SCAPER: variants seen among roughly 807,000 people sequenced by gnomAD.
SCAPER encodes the protein S phase cyclin A-associated protein in the endoplasmic reticulum.
SCAPER carries 98 observed loss-of-function variants against 182.2 expected under a neutral mutation model. That is an observed-to-expected ratio of 0.54 (90% CI 0.46 to 0.64). The LOEUF is 0.64. Ranked by LOEUF, SCAPER falls within the 30% of genes least tolerant of loss-of-function variation. The pLI is 0.00. For synonymous variants in SCAPER, 605 were observed against 564.6 expected (o/e 1.07, Z -1.01); for missense variants, 1,432 against 1,690.0 (o/e 0.85, Z 2.68).
At chr15:76,675,265 T>C (rs773827229) in intron 20 of SCAPER, among the ~76,000 whole-genome samples, 2 of 152,238 alleles carry the variant, frequency 1.3e-5, no homozygotes, top group East Asian at 1.9e-4. Context: ...GATGAAATTA[T>C]AATATTTATA....
At chr15:76,411,816 T>C (rs1374267456) in intron 26 of SCAPER, among the ~76,000 whole-genome samples, 6 of 152,204 alleles carry the variant, frequency 3.9e-5, no homozygotes, top group Non-Finnish European at 8.8e-5. Context: ...AGCCGTTTTA[T>C]TGGATTTGAA....
At chr15:76,461,243 C>A (rs2049147095) in intron 25 of SCAPER, among the ~76,000 whole-genome samples, 1 of 151,728 alleles carries the variant, frequency 6.6e-6, no homozygotes, top group Admixed American at 6.6e-5. Flanking sequence ...GTTGACATAG[C>A]AACATCAGTA....
chr15:76,577,449 A>AAG (rs1567508365), intron 22 of SCAPER, among the ~76,000 whole-genome samples: 7 of 152,032 alleles, frequency 4.6e-5, no homozygotes, highest in Non-Finnish European at 7.4e-5. Flanking sequence ...CCTGTTTCAA[A>AAG]AAGAAGAAGA....
intron 1 of SCAPER, among the ~76,000 whole-genome samples, chr15:76,886,162 G>A (rs2073827725): frequency 6.6e-6 from 1 of 152,132 alleles, no homozygotes. Context: ...TTAAAAGGAT[G>A]CTAACAATGT....
chr15:76,407,226 T>C (rs1186256095), intron 26 of SCAPER, among the ~76,000 whole-genome samples: 1 of 152,202 alleles, frequency 6.6e-6, no homozygotes, highest in Non-Finnish European at 1.5e-5. Flanking sequence ...GGATAGCCTA[T>C]TGTTCCCAGG....
chr15:76,513,329 C>T (rs570412594), intron 23 of SCAPER, among the ~76,000 whole-genome samples: 23 of 152,172 alleles, frequency 1.5e-4, no homozygotes, highest in Non-Finnish European at 2.8e-4. Context: ...AGAAATACTG[C>T]TCACTGGATT....
intron 8 of SCAPER, among the ~76,000 whole-genome samples, chr15:76,779,901 C>T (rs543899667): frequency 1.4e-4 from 21 of 152,276 alleles, no homozygotes; most frequent in East Asian, 3.9e-4. Flanking sequence ...AACCAATCAA[C>T]GGGGGATCTT....
At chr15:76,711,267 T>C (rs1413389913) in intron 17 of SCAPER, among the ~76,000 whole-genome samples, 1 of 152,138 alleles carries the variant, frequency 6.6e-6, no homozygotes, top group Admixed American at 6.6e-5. Flanking sequence ...AGATAAGCCA[T>C]AGATTGTAAG....
At chr15:76,521,391 G>GAA (rs35998109) in intron 23 of SCAPER, among the ~76,000 whole-genome samples, 66 of 150,232 alleles carry the variant, frequency 4.4e-4, no homozygotes, top group East Asian at 5.9e-4. Context: ...TCTAAGGTCA[G>GAA]AAAAAAAAAC....
At chr15:76,796,060 C>G (rs144490075) in intron 7 of SCAPER, among the ~76,000 whole-genome samples, 99 of 152,006 alleles carry the variant, frequency 6.5e-4, no homozygotes, top group African/African-American at 2.2e-3. Flanking sequence ...GACTCCATCT[C>G]AATTTAAAAA....
At chr15:76,398,504 G>C (rs2044238922) in intron 27 of SCAPER, among the ~76,000 whole-genome samples, 1 of 152,206 alleles carries the variant, frequency 6.6e-6, no homozygotes, top group Non-Finnish European at 1.5e-5. Flanking sequence ...TTCAATGAAT[G>C]AATAGGCAGG....
chr15:76,402,677 G>A (rs1019984010), intron 27 of SCAPER, among the ~76,000 whole-genome samples: 36 of 152,090 alleles, frequency 2.4e-4, no homozygotes, highest in Admixed American at 6.5e-5. Flanking sequence ...GATGCTCAAT[G>A]TCTTCAGGAC....
At chr15:76,546,526 T>C (rs959736424) in intron 23 of SCAPER, among the ~76,000 whole-genome samples, 2 of 152,048 alleles carry the variant, frequency 1.3e-5, no homozygotes, top group Non-Finnish European at 2.9e-5. Context: ...TAAAACAGAA[T>C]AGGATTAATA....
intron 26 of SCAPER, among the ~76,000 whole-genome samples, chr15:76,432,973 G>A (rs768449409): frequency 1.3e-5 from 2 of 152,106 alleles, no homozygotes; most frequent in African/African-American, 4.8e-5. Context: ...ACACTTAAAG[G>A]GGTTACTATA....
At chr15:76,885,323 T>C (rs180706342) in intron 1 of SCAPER, among the ~76,000 whole-genome samples, 74 of 152,306 alleles carry the variant, frequency 4.9e-4, no homozygotes, top group African/African-American at 1.7e-3. Context: ...CTCCCCAGCA[T>C]TCACTGTACT....
chr15:76,580,046 G>A (rs1033013339), intron 22 of SCAPER, among the ~76,000 whole-genome samples: 1 of 152,076 alleles, frequency 6.6e-6, no homozygotes, highest in Non-Finnish European at 1.5e-5. Context: ...GAACTAAAGA[G>A]AGAGACAGAC....
chr15:76,378,714 A>C (rs557901508), intron 28 of SCAPER, among the ~76,000 whole-genome samples: 33 of 152,220 alleles, frequency 2.2e-4, no homozygotes, highest in Non-Finnish European at 2.2e-4. Context: ...TCTGAGGCTA[A>C]GTCATAAAAA....
intron 20 of SCAPER, among the ~76,000 whole-genome samples, chr15:76,670,554 C>T (rs2056940098): frequency 6.6e-6 from 1 of 152,026 alleles, no homozygotes; most frequent in African/African-American, 2.4e-5. Flanking sequence ...AATGAAAAAC[C>T]TGGGCCACAG....
intron 21 of SCAPER, among the ~76,000 whole-genome samples, chr15:76,627,075 A>G (rs1441099408): frequency 6.6e-6 from 1 of 152,142 alleles, no homozygotes; most frequent in African/African-American, 2.4e-5. Context: ...GTAAGATTAA[A>G]AATTTCATTG....
Sources: gnomAD v4.1 joint callset for allele counts (sites outside exome capture counted in the v4.1 genomes callset) on GRCh38, gnomAD v4.1.1 for gene constraint, MANE v1.5 for transcripts, NCBI Gene and HGNC (gene_info 2026-07-23, HGNC 2026-07-21) for gene names.